Variants in DUSP18 observed in about 807,000 individuals in gnomAD.
DUSP18 encodes dual specificity protein phosphatase 18.
Under a neutral mutation model 6.3 loss-of-function variants are expected in DUSP18, and 4 were observed. That is an observed-to-expected ratio of 0.63 (90% CI 0.31 to 1.45). The LOEUF (loss-of-function observed/expected upper bound fraction) is 1.45, where lower values mean the gene tolerates loss of function less well. DUSP18 is among the 40% of genes most tolerant of loss of function. The probability of loss-of-function intolerance (pLI) is 0.07; values close to 1 mark genes in which losing one functional copy is unlikely to be tolerated. For missense variants in DUSP18, 235 were observed against 247.7 expected (o/e 0.95, Z 0.34); for synonymous variants, 96 against 95.1 (o/e 1.01, Z -0.05).
chr22:30,661,222 T>C (rs369593760), downstream of DUSP18, among the ~76,000 whole-genome samples: 12 of 152,182 alleles, frequency 7.9e-5, no homozygotes, highest in East Asian at 2.1e-3. Context: ...TGAAATATAG[T>C]TTGAGACCCA....
chr22:30,663,293 AC>A lies in DUSP18; in HGVS notation c.*143del, dbSNP rs983234091. 6.8e-5 allele frequency: 54 copies of A among 790,532 alleles called. No homozygotes were observed. Among genetic ancestry groups the A allele is most frequent in the Non-Finnish European group, 1.0e-4 (52 of 507,428 alleles). 49.0% of individuals were successfully genotyped at this position (790,532 alleles called of 1,614,324 possible). A position where few individuals can be genotyped will look rare whatever the true frequency, so the allele number is the denominator to read the frequency against. ...AAAATGGATTATAAAGTTAAAAGCT[AC>A]AGCAACTCTTTTTTGTGCTCATAAA... On this transcript the variant is annotated 3_prime_UTR_variant, in exon 2 of 2. Coordinates refer to ENST00000334679, the MANE Select transcript of DUSP18 (RefSeq NM_152511.5).
chr22:30,653,977 G>GTTTTT, intron 2 of DUSP18: 2 of 149,812 alleles, frequency 1.3e-5, no homozygotes, highest in Admixed American at 7.0e-5. Context: ...TAGCTGTTTT[G>GTTTTT]TTTTTTTGTT....
chr22:30,658,592 A>G (rs1483834543), downstream of DUSP18, among the ~76,000 whole-genome samples: 1 of 151,924 alleles, frequency 6.6e-6, no homozygotes, highest in Non-Finnish European at 1.5e-5. Flanking sequence ...AAGCAGGGAG[A>G]CTAAAGGACC....
At chr22:30,657,348 A>T (rs1264099180), downstream of DUSP18, among the ~76,000 whole-genome samples, 1 of 151,434 alleles carries the variant, frequency 6.6e-6, no homozygotes, top group Non-Finnish European at 1.5e-5. Flanking sequence ...AATCCCAGCT[A>T]CTTGGGAGGC....
At chr22:30,660,253 G>C (rs535051629), downstream of DUSP18, among the ~76,000 whole-genome samples, 104 of 152,302 alleles carry the variant, frequency 6.8e-4, no homozygotes, top group Non-Finnish European at 1.2e-3. Flanking sequence ...GTGGTAATTT[G>C]TTACAGCACC....
At chr22:30,659,609 T>C (rs575437889), downstream of DUSP18, among the ~76,000 whole-genome samples, 20 of 152,276 alleles carry the variant, frequency 1.3e-4, no homozygotes, top group South Asian at 4.2e-3. Context: ...TGACCTCAGG[T>C]GATCCACCAG....
At chr22:30,665,595 C>A in intron 1 of DUSP18, 1 of 468,002 alleles carries the variant, frequency 2.1e-6, no homozygotes, top group Non-Finnish European at 4.4e-6. Flanking sequence ...TAGATCACAC[C>A]CCTCCCTCAC....
In DUSP18 at chr22:30,662,215, G is replaced by T. The variant is rs1049951541; in HGVS notation, c.*1222C>A. 4 of 152,220 alleles carry T rather than the reference G, an allele frequency of 2.6e-5. No individual in the cohort carries two copies. The highest frequency in any genetic ancestry group is 7.2e-5 in the African/African-American group (3 of 41,442). 9.4% of individuals were successfully genotyped at this position (152,220 alleles called of 1,614,324 possible). A position where few individuals can be genotyped will look rare whatever the true frequency, so the allele number is the denominator to read the frequency against. Reference sequence around the variant, plus strand: ...GCCATTTGCGCTAAGCACACACCATGTGCCAGGCACTATGCCAAGAAATTG... The same window carrying T: ...GCCATTTGCGCTAAGCACACACCATTTGCCAGGCACTATGCCAAGAAATTG... On this transcript the variant is annotated 3_prime_UTR_variant, in exon 2 of 2. Transcript: ENST00000334679.
chr22:30,665,560 GT>G, intron 1 of DUSP18: 1 of 470,848 alleles, frequency 2.1e-6, no homozygotes, highest in Non-Finnish European at 4.4e-6. Context: ...CAACTTAAAG[GT>G]AACTGTTTTA....
downstream of DUSP18, among the ~76,000 whole-genome samples, chr22:30,658,849 AAACTG>A (rs573666812): frequency 3.9e-3 from 588 of 152,236 alleles, 1 homozygote; most frequent in Middle Eastern, 0.014. Context: ...AAAGGCTTTG[AAACTG>A]AACTGATCGG....
chr22:30,665,612 C>T (rs1234268918), intron 1 of DUSP18: 2 of 463,980 alleles, frequency 4.3e-6, no homozygotes, highest in African/African-American at 2.0e-5. Context: ...TCACGTTTGA[C>T]CAACTCTGCT....
intron 1 of DUSP18, among the ~76,000 whole-genome samples, 155 bp from the exon 2 acceptor site, chr22:30,664,235 T>C (rs1395998344): frequency 2.0e-5 from 3 of 152,086 alleles, no homozygotes; most frequent in Non-Finnish European, 4.4e-5. Context: ...AAAGTACAGA[T>C]ACCCAGGTCC....
intron 1 of DUSP18, chr22:30,667,153 T>C (rs1034114734): frequency 1.3e-5 from 2 of 152,166 alleles, no homozygotes; most frequent in Non-Finnish European, 2.9e-5. Flanking sequence ...AGCAACCTAA[T>C]CAGACCGGCG....
In DUSP18 at chr22:30,663,547, G is replaced by A. The variant is rs1289025590; in HGVS notation, c.457C>T (p.His153Tyr). Residue 153 changes from histidine (H) to tyrosine (Y), a missense_variant, in exon 2 of 2, where the codon CAC becomes TAC. Coordinates refer to ENST00000334679, the MANE Select transcript of DUSP18 (RefSeq NM_152511.5). ...PNSGFWEQLI[H>Y]YEFQLFGKNT... ...TTGCCAAACAATTGGAACTCATAGT[G>A]GATGAGCTGCTCCCAAAAGCCGCTG... The A allele has an allele frequency of 6.2e-7, 1 of 1,614,210 alleles. No individual in the cohort carries two copies. Among genetic ancestry groups the A allele is most frequent in the Admixed American group, 1.7e-5 (1 of 60,016 alleles).
chr22:30,660,542 G>T (rs2145602785), downstream of DUSP18, among the ~76,000 whole-genome samples: 1 of 152,270 alleles, frequency 6.6e-6, no homozygotes, highest in Non-Finnish European at 1.5e-5. Flanking sequence ...TAACATTCAT[G>T]TTATCAATGA....
chr22:30,653,474 C>T (rs1226841750), intron 2 of DUSP18, among the ~76,000 whole-genome samples: 2 of 151,562 alleles, frequency 1.3e-5, no homozygotes, highest in Non-Finnish European at 2.9e-5. Context: ...TGGGTTCAAG[C>T]GATTCTCCTG....
At chr22:30,656,680 T>C (rs1327610500), downstream of DUSP18, among the ~76,000 whole-genome samples, 1 of 152,172 alleles carries the variant, frequency 6.6e-6, no homozygotes, top group Non-Finnish European at 1.5e-5. Flanking sequence ...GCTGCTCTAC[T>C]CTGAGTCCAA....
downstream of DUSP18, among the ~76,000 whole-genome samples, chr22:30,660,589 A>G (rs562863451): frequency 6.6e-6 from 1 of 152,320 alleles, no homozygotes; most frequent in South Asian, 2.1e-4. Context: ...AGAAAACAAT[A>G]CTTGAAGAAA....
downstream of DUSP18, among the ~76,000 whole-genome samples, chr22:30,658,075 T>C (rs2088381576): frequency 3.3e-5 from 5 of 151,312 alleles, no homozygotes; most frequent in Admixed American, 3.3e-4. Flanking sequence ...CCACAGTATC[T>C]AGCCTGGGCA....
Sources: gnomAD v4.1 joint callset for allele counts (sites outside exome capture counted in the v4.1 genomes callset) on GRCh38, gnomAD v4.1.1 for gene constraint, MANE v1.5 for transcripts, NCBI Gene and HGNC (gene_info 2026-07-23, HGNC 2026-07-21) for gene names.